SNX10: variants seen among roughly 807,000 people sequenced by gnomAD.
The protein encoded by SNX10 is sorting nexin-10.
A neutral mutation model predicts 28.5 loss-of-function variants in SNX10; 25 were observed. That is an observed-to-expected ratio of 0.88 (90% confidence interval 0.64 to 1.22). The LOEUF (loss-of-function observed/expected upper bound fraction) is 1.22, where lower values mean the gene tolerates loss of function less well. Among genes scored for constraint, SNX10 ranks in the 50% most tolerant of loss-of-function variants. The pLI is 0.00. For missense variants in SNX10, 223 were observed against 242.6 expected, an observed-to-expected ratio of 0.92 and a Z score of 0.54; for synonymous variants, 62 against 81.4, an observed-to-expected ratio of 0.76 and a Z score of 1.28.
chr7:26,321,641 G>A (rs895015114), intron 1 of SNX10, among the ~76,000 whole-genome samples: 2 of 152,198 alleles, frequency 1.3e-5, no homozygotes, highest in African/African-American at 4.8e-5. Flanking sequence ...GCTTCCCAAG[G>A]TTTTGTTCAG....
intron 1 of SNX10, among the ~76,000 whole-genome samples, chr7:26,306,070 T>TG (rs1562785227): frequency 2.0e-5 from 3 of 149,728 alleles, no homozygotes; most frequent in Admixed American, 2.0e-4. Flanking sequence ...AAATTTTTTG[T>TG]ATTTTTTTTT....
At chr7:26,351,644 T>TG (rs1450830115) in intron 2 of SNX10, among the ~76,000 whole-genome samples, 1 of 140,342 alleles carries the variant, frequency 7.1e-6, no homozygotes, top group African/African-American at 2.7e-5. Context: ...TCAAGCAGTC[T>TG]GGTTTTTTTT....
At chr7:26,348,509 C>T (rs1459195173) in intron 2 of SNX10, among the ~76,000 whole-genome samples, 7 of 152,336 alleles carry the variant, frequency 4.6e-5, no homozygotes, top group African/African-American at 1.7e-4. Context: ...GAGCTGGACG[C>T]ATGGGCAGTC....
At chr7:26,311,978 C>G (rs1297932348) in intron 1 of SNX10, among the ~76,000 whole-genome samples, 1 of 152,044 alleles carries the variant, frequency 6.6e-6, no homozygotes. Flanking sequence ...AGTGATTTAA[C>G]TTCTCTGGTA....
rs79073621 is a variant in SNX10 at position 26,294,202 on chromosome 7, A to G, written c.-24+2116A>G. Reference sequence around the variant, plus strand: ...CCCAAATTTAGCATTGTTATCTCCAAACATCTTTTTCTTAGTAATCTGGTA... The same window carrying G: ...CCCAAATTTAGCATTGTTATCTCCAGACATCTTTTTCTTAGTAATCTGGTA... On this transcript the variant is annotated intron_variant, in intron 1 of 6. Transcript: ENST00000338523. Among the ~76,000 whole-genome samples, 636 of 152,298 alleles carry G rather than the reference A, an allele frequency of 4.2e-3. 3 individuals are homozygous for G. The highest frequency in any genetic ancestry group is 0.015 in the African/African-American group (613 of 41,554).
intron 1 of SNX10, among the ~76,000 whole-genome samples, chr7:26,342,955 G>A (rs185609644): frequency 3.1e-4 from 47 of 152,118 alleles, no homozygotes; most frequent in Admixed American, 2.4e-3. Flanking sequence ...GACCACAGGC[G>A]CATGCTATCA....
At position 26,342,187 on chromosome 7, in the gene SNX10, C is replaced by T. The variant is rs556230092; in HGVS notation, c.-23-4233C>T. ...GATTATAGGCATGTGCCACCATACC[C>T]GGCTGATTTTTGTATTTTTAGTAGA... On this transcript the variant is annotated intron_variant, in intron 1 of 6. Coordinates refer to ENST00000338523, the MANE Select transcript of SNX10 (RefSeq NM_013322.3). 8.5e-5 allele frequency among the ~76,000 whole-genome samples: 13 copies of T among 152,160 alleles called. No homozygotes were observed. The East Asian group carries it at 1.9e-3, about 23-fold the overall frequency.
chr7:26,310,273 G>T (rs1786775099), intron 1 of SNX10, among the ~76,000 whole-genome samples: 1 of 152,196 alleles, frequency 6.6e-6, no homozygotes, highest in South Asian at 2.1e-4. Context: ...GAGAAAACCA[G>T]CTGGAACTCA....
At chr7:26,307,315 T>C (rs1786639019) in intron 1 of SNX10, among the ~76,000 whole-genome samples, 1 of 152,216 alleles carries the variant, frequency 6.6e-6, no homozygotes, top group African/African-American at 2.4e-5. Context: ...TTCTTACCTC[T>C]CAAAACAGCC....
chr7:26,367,030 G>A (rs1247523156), intron 5 of SNX10, among the ~76,000 whole-genome samples: 1 of 151,830 alleles, frequency 6.6e-6, no homozygotes, highest in Non-Finnish European at 1.5e-5. Flanking sequence ...ATGGTTCCTG[G>A]TTTTTTTTCT....
intron 1 of SNX10, among the ~76,000 whole-genome samples, chr7:26,320,142 C>T (rs905298071): frequency 1.3e-5 from 2 of 151,780 alleles, no homozygotes; most frequent in Non-Finnish European, 2.9e-5. Flanking sequence ...CCAGCACAAC[C>T]GGCTAGTTTT....
chr7:26,311,288 T>A (rs1786830541), intron 1 of SNX10, among the ~76,000 whole-genome samples: 2 of 152,250 alleles, frequency 1.3e-5, no homozygotes, highest in South Asian at 2.1e-4. Context: ...TAGCTGGGAC[T>A]ACAGGCTTGC....
intron 1 of SNX10, among the ~76,000 whole-genome samples, chr7:26,293,907 A>G (rs777049652): frequency 6.6e-6 from 1 of 152,228 alleles, no homozygotes; most frequent in East Asian, 1.9e-4. Flanking sequence ...TTGGTGTTCT[A>G]CAGCAATTCT....
intron 1 of SNX10, among the ~76,000 whole-genome samples, chr7:26,293,442 GCAAT>G (rs1290986757): frequency 6.6e-6 from 1 of 152,120 alleles, no homozygotes; most frequent in Non-Finnish European, 1.5e-5. Context: ...CTGAGCTCAA[GCAAT>G]CCACCTGCCT....
intron 1 of SNX10, among the ~76,000 whole-genome samples, chr7:26,335,424 C>G (rs1050634771): frequency 1.3e-5 from 2 of 152,162 alleles, no homozygotes; most frequent in African/African-American, 4.8e-5. Context: ...TTGCCCAGCC[C>G]TTTCTTCTTT....
chr7:26,351,650 TTTTTTTTTG>T (rs1445776560), intron 2 of SNX10, among the ~76,000 whole-genome samples: 33 of 82,190 alleles, frequency 4.0e-4, no homozygotes, highest in South Asian at 7.2e-4. Flanking sequence ...AGTCTGGTTT[TTTTTTTTTG>T]TTTTTTTTTT....
intron 2 of SNX10, among the ~76,000 whole-genome samples, chr7:26,358,558 A>G (rs931742679): frequency 3.3e-5 from 5 of 152,006 alleles, no homozygotes; most frequent in South Asian, 2.1e-4. Flanking sequence ...TGGGCAACAT[A>G]GCAAGACCCC....
At chr7:26,356,510 G>C (rs907602613) in intron 2 of SNX10, among the ~76,000 whole-genome samples, 8 of 152,274 alleles carry the variant, frequency 5.3e-5, no homozygotes, top group African/African-American at 1.9e-4. Context: ...GGTGAACCTT[G>C]GCTTCCTGGG....
At chr7:26,359,385 G>A (rs890046906) in intron 2 of SNX10, among the ~76,000 whole-genome samples, 2 of 152,032 alleles carry the variant, frequency 1.3e-5, no homozygotes, top group African/African-American at 4.8e-5. Flanking sequence ...TGTCCAGAAA[G>A]CCCCCGATCT....
Sources: gnomAD v4.1 joint callset for allele counts (sites outside exome capture counted in the v4.1 genomes callset) on GRCh38, gnomAD v4.1.1 for gene constraint, MANE v1.5 for transcripts, NCBI Gene and HGNC (gene_info 2026-07-23, HGNC 2026-07-21) for gene names.